GRIN2B: variants seen among roughly 807,000 people sequenced by gnomAD.
The protein encoded by GRIN2B is glutamate receptor ionotropic, NMDA 2B.
In GRIN2B, 5 loss-of-function variants were observed where a neutral mutation model predicts 114.5. The observed-to-expected ratio is 0.04, with a 90% CI of 0.02 to 0.09. The LOEUF (loss-of-function observed/expected upper bound fraction) is 0.09, where lower values mean the gene tolerates loss of function less well. Ranked by LOEUF, GRIN2B falls within the 10% of genes least tolerant of loss-of-function variation. The pLI is 1.00. For synonymous variants in GRIN2B, 787 were observed against 745.1 expected (o/e 1.06, Z -0.92); for missense variants, 1,108 against 1,943.5 (o/e 0.57, Z 8.08).
intron 3 of GRIN2B, among the ~76,000 whole-genome samples, chr12:13,837,807 C>T (rs2136710946): frequency 6.6e-6 from 1 of 152,216 alleles, no homozygotes; most frequent in Middle Eastern, 3.4e-3. Flanking sequence ...CTACATTCAA[C>T]ATGTGTATTT....
At chr12:13,944,191 T>C (rs1284241622) in intron 2 of GRIN2B, among the ~76,000 whole-genome samples, 1 of 152,226 alleles carries the variant, frequency 6.6e-6, no homozygotes, top group African/African-American at 2.4e-5. Flanking sequence ...TGTTTTGAAC[T>C]GCCACCATTT....
intron 8 of GRIN2B, 93 bp from the exon 9 acceptor site, chr12:13,611,943 G>A (rs1283289129): frequency 9.2e-6 from 12 of 1,300,250 alleles, no homozygotes; most frequent in Admixed American, 5.2e-5. Flanking sequence ...TTAGGGGGTG[G>A]GGAACAAACC....
At position 13,567,178 on chromosome 12, in the gene GRIN2B, A is replaced by T; in HGVS notation, c.2445T>A (p.Ile815=). ...TGTAGAAGACCCCTGCCATGTTGTC[A>T]ATGTCCAGCTGGCTGCTCATGACCT... ...KNEVMSSQLD[I]DNMAGVFYML... is the part of the protein sequence containing the mutation. Residue 815 remains isoleucine (I), a synonymous_variant, in exon 13 of 14, where the codon ATT becomes ATA. Transcript: ENST00000609686. 1 of 1,614,104 alleles carries T rather than the reference A, an allele frequency of 6.2e-7. No homozygotes were observed. The highest frequency in any genetic ancestry group is 2.2e-5 in the East Asian group (1 of 44,876).
At chr12:13,900,435 A>G (rs973132466) in intron 2 of GRIN2B, among the ~76,000 whole-genome samples, 4 of 152,002 alleles carry the variant, frequency 2.6e-5, no homozygotes, top group African/African-American at 7.2e-5. Context: ...AGATCACGCC[A>G]TTGCACTCCA....
chr12:13,822,316 T>C (rs768502202), intron 3 of GRIN2B, among the ~76,000 whole-genome samples: 1 of 152,140 alleles, frequency 6.6e-6, no homozygotes, highest in African/African-American at 2.4e-5. Flanking sequence ...CTAAGGTAGG[T>C]CCACCCTCTC....
intron 2 of GRIN2B, among the ~76,000 whole-genome samples, chr12:13,867,061 A>G (rs541427985): frequency 8.2e-6 from 1 of 122,242 alleles, no homozygotes; most frequent in Non-Finnish European, 1.8e-5. Flanking sequence ...CATATAACCA[A>G]TTATTATAAG....
rs34320563 is a variant in GRIN2B at position 13,739,374 on chromosome 12, C to CAAAA, written c.1010+13939_1010+13942dup. ...GGGCAACAAGAGTGAAACTCCGTCT[C>CAAAA]AAAAAAAAAAAAAAAAAAAAAAAAA... On this transcript the variant is annotated intron_variant, in intron 4 of 13. Transcript: ENST00000609686. Among the ~76,000 whole-genome samples the CAAAA allele has an allele frequency of 3.2e-3, 189 of 59,312 alleles. 1 individual carries two copies. The highest frequency in any genetic ancestry group is 4.3e-3 in the Non-Finnish European group (153 of 35,754). 38.9% of individuals were successfully genotyped at this position (59,312 alleles called of 152,430 possible). A position where few individuals can be genotyped will look rare whatever the true frequency, so the allele number is the denominator to read the frequency against.
At chr12:13,642,053 G>A (rs573642593) in intron 5 of GRIN2B, among the ~76,000 whole-genome samples, 37 of 152,114 alleles carry the variant, frequency 2.4e-4, no homozygotes, top group Admixed American at 3.9e-4. Flanking sequence ...GCTGGGCATG[G>A]TAGCGCACAC....
In GRIN2B at chr12:13,567,135, C is replaced by T. The variant is rs1565455865; in HGVS notation, c.2488G>A (p.Ala830Thr). ...CAGATGAAGGTGATGAGGCTGAGAGCCATGGCCGCCCCCAACATGTAGAAG... is the reference window on the plus strand; with the variant it reads ...CAGATGAAGGTGATGAGGCTGAGAGTCATGGCCGCCCCCAACATGTAGAAG... ...GVFYMLGAAM[A>T]LSLITFICEH... Residue 830 changes from alanine to threonine, a missense_variant, in exon 13 of 14, where the codon GCT becomes ACT. Physicochemically the swap from Ala to Thr is moderately conservative, Grantham distance 58. This residue lies in a region of GRIN2B where 35 missense variants were observed against 194.7 expected (regional missense o/e 0.18). Coordinates refer to ENST00000609686, the MANE Select transcript of GRIN2B (RefSeq NM_000834.5). 1 of 1,614,078 alleles carries T rather than the reference C, an allele frequency of 6.2e-7. No individual in the cohort carries two copies. The highest frequency in any genetic ancestry group is 2.2e-5 in the East Asian group (1 of 44,882).
intron 2 of GRIN2B, among the ~76,000 whole-genome samples, chr12:13,888,457 G>T (rs1318402732): frequency 1.3e-5 from 2 of 149,412 alleles, no homozygotes; most frequent in Non-Finnish European, 3.0e-5. Context: ...AAATAGGCCA[G>T]GTGTGGTGGC....
Position 13,547,077 on chromosome 12 carries a change from G to C in GRIN2B, c.*15706C>G, listed in dbSNP as rs150969694. ...GAAAACCATGAAAAATTACTGTCAA[G>C]GGTTTCTTTTAACAGTCTGATAGTT... On this transcript the variant is annotated 3_prime_UTR_variant, in exon 14 of 14. Transcript: ENST00000609686. The C allele has an allele frequency of 1.3e-5, 2 of 152,216 alleles. No individual in the cohort carries two copies. Among genetic ancestry groups the C allele is most frequent in the East Asian group, 3.9e-4 (2 of 5,172 alleles). 9.4% of individuals were successfully genotyped at this position (152,216 alleles called of 1,614,324 possible). A position where few individuals can be genotyped will look rare whatever the true frequency, so the allele number is the denominator to read the frequency against.
chr12:13,592,268 TAAG>T, intron 10 of GRIN2B, among the ~76,000 whole-genome samples: 1 of 152,286 alleles, frequency 6.6e-6, no homozygotes, highest in South Asian at 2.1e-4. Flanking sequence ...GCCATTGTTC[TAAG>T]AAGTGGCTAA....
chr12:13,649,622 A>G (rs1264305271), intron 5 of GRIN2B, among the ~76,000 whole-genome samples: 1 of 152,056 alleles, frequency 6.6e-6, no homozygotes, highest in Non-Finnish European at 1.5e-5. Flanking sequence ...TTCATTGTAG[A>G]TCACATGGGG....
At position 13,575,162 on chromosome 12, in the gene GRIN2B, C is replaced by T. The variant is rs188661353; in HGVS notation, c.2011-3198G>A. On this transcript the variant is annotated intron_variant, in intron 10 of 13. Transcript: ENST00000609686. ...AGACAGAGATTTCTTAGCTACAACA[C>T]CAAAAGCACAATCCACCAAAAAAGG... Among the ~76,000 whole-genome samples, 462 of 152,098 alleles carry T rather than the reference C, an allele frequency of 3.0e-3. 2 individuals carry two copies. The highest frequency in any genetic ancestry group is 5.5e-3 in the Non-Finnish European group (372 of 68,008).
chr12:13,630,572 C>A (rs1949607957), intron 5 of GRIN2B, among the ~76,000 whole-genome samples: 1 of 152,172 alleles, frequency 6.6e-6, no homozygotes, highest in South Asian at 2.1e-4. Flanking sequence ...TTGGGCCAGC[C>A]TCCTTGAGGA....
At chr12:13,591,049 C>T (rs1949002625) in intron 10 of GRIN2B, among the ~76,000 whole-genome samples, 1 of 152,214 alleles carries the variant, frequency 6.6e-6, no homozygotes, top group African/African-American at 2.4e-5. Context: ...CATGAAGATG[C>T]TCTTCATCCA....
chr12:13,680,919 C>T (rs1950125083), intron 4 of GRIN2B, among the ~76,000 whole-genome samples: 1 of 152,110 alleles, frequency 6.6e-6, no homozygotes, highest in South Asian at 2.1e-4. Flanking sequence ...GCCTCAGAAT[C>T]CTGATGGGCT....
In GRIN2B at chr12:13,975,780, G is replaced by T. The variant is rs141013843; in HGVS notation, c.-19+4148C>A. On this transcript the variant is annotated intron_variant, in intron 2 of 13. Coordinates refer to ENST00000609686, the MANE Select transcript of GRIN2B (RefSeq NM_000834.5). ...GTGCACAAACTTCTTAGGGAAACAGGGCATATAAACAAAGTCAGGATAAAC... is the reference window on the plus strand; with the variant it reads ...GTGCACAAACTTCTTAGGGAAACAGTGCATATAAACAAAGTCAGGATAAAC... Among the ~76,000 whole-genome samples, 22 of 152,220 alleles carry T rather than the reference G, an allele frequency of 1.4e-4. No homozygotes were observed. In the East Asian group the frequency reaches 3.9e-3, roughly 27 times the overall value.
chr12:13,640,444 T>C (rs950026659), intron 5 of GRIN2B, among the ~76,000 whole-genome samples: 20 of 152,254 alleles, frequency 1.3e-4, no homozygotes, highest in African/African-American at 4.8e-4. Flanking sequence ...GTCTCACACA[T>C]TGATCTTGCC....
Sources: allele counts gnomAD v4.1 joint callset (sites outside exome capture counted in the v4.1 genomes callset), GRCh38; gene constraint gnomAD v4.1.1; regional missense constraint gnomAD v4.1.1; transcripts MANE v1.5; gene names NCBI Gene and HGNC (gene_info 2026-07-23, HGNC 2026-07-21).